STK32A: variants seen among roughly 807,000 people sequenced by gnomAD.
STK32A encodes serine/threonine-protein kinase 32A.
Under a neutral mutation model 53.2 loss-of-function variants are expected in STK32A, and 41 were observed. The ratio of observed to expected loss-of-function variants is 0.77; its 90% CI spans 0.60 to 1.00. STK32A has a LOEUF of 1.00. Among genes scored for constraint, STK32A ranks in the 50% least tolerant of loss-of-function variants. The pLI, the probability that STK32A is intolerant of heterozygous loss-of-function variation, is 0.00. For missense variants in STK32A, 458 were observed against 485.8 expected (o/e 0.94, Z 0.54); for synonymous variants, 166 against 162.8 (o/e 1.02, Z -0.15).
intron 5 of STK32A, among the ~76,000 whole-genome samples, chr5:147,339,300 T>C (rs950822876): frequency 8.5e-5 from 13 of 152,162 alleles, no homozygotes; most frequent in Non-Finnish European, 1.8e-4. Flanking sequence ...TTACGCATGG[T>C]GTTGGGCCTG....
chr5:147,273,644 T>C (rs1755138727), intron 2 of STK32A, among the ~76,000 whole-genome samples: 1 of 152,182 alleles, frequency 6.6e-6, no homozygotes, highest in Admixed American at 6.5e-5. Context: ...TCCCGAATAA[T>C]AGTTCCTAGA....
chr5:147,360,450 C>CAAAA (rs56690647), intron 7 of STK32A, among the ~76,000 whole-genome samples: 11 of 81,110 alleles, frequency 1.4e-4, no homozygotes, highest in African/African-American at 2.2e-4. Flanking sequence ...GATTCTGTCT[C>CAAAA]AAAAAAAAAA....
In STK32A at chr5:147,375,182, G is replaced by T; in HGVS notation, c.996G>T (p.Lys332Asn). The T allele has an allele frequency of 3.1e-6, 5 of 1,610,656 alleles. No homozygotes were observed. Among genetic ancestry groups the T allele is most frequent in the Non-Finnish European group, 4.2e-6 (5 of 1,178,582 alleles). ...ATAAGAAAAAAAAGCGTCTGGCAAA[G>T]AAGGAGAAGGATATGAGGAAATGCG... ...PLHKKKKRLA[K>N]KEKDMRKCDS... The change falls in exon 11 of 13, where the codon AAG becomes AAT. Residue 332 changes from lysine (K) to asparagine (N), a missense_variant. Transcript: ENST00000397936.
chr5:147,361,628 ATTTCCTCTTTGGTTATT>A lies in STK32A; in HGVS notation c.660+20_660+36del. Reference sequence around the variant, plus strand: ...CTGAGAGGCCGGGTACTGTAGTAGCATTTCCTCTTTGGTTATTTTTCCAGCAAGTTCTATTTTAGAAT... The same window carrying A: ...CTGAGAGGCCGGGTACTGTAGTAGCATTTCCAGCAAGTTCTATTTTAGAAT... On this transcript the variant is annotated intron_variant, in intron 8 of 12. Coordinates refer to ENST00000397936, the MANE Select transcript of STK32A (RefSeq NM_001112724.2). The A allele has an allele frequency of 6.4e-7, 1 of 1,561,486 alleles. No homozygotes were observed. The highest frequency in any genetic ancestry group is 8.8e-7 in the Non-Finnish European group (1 of 1,134,264).
intron 5 of STK32A, among the ~76,000 whole-genome samples, chr5:147,333,923 A>C (rs1754993348): frequency 6.6e-6 from 1 of 152,196 alleles, no homozygotes; most frequent in Non-Finnish European, 1.5e-5. Context: ...GACTTTAGGC[A>C]AATTAATAAA....
At chr5:147,373,842 T>C (rs188314974) in intron 10 of STK32A, among the ~76,000 whole-genome samples, 2 of 152,184 alleles carry the variant, frequency 1.3e-5, no homozygotes, top group Non-Finnish European at 2.9e-5. Flanking sequence ...TGTGGTCTAC[T>C]GCATTATGCT....
intron 4 of STK32A, among the ~76,000 whole-genome samples, chr5:147,309,799 G>T (rs1029687645): frequency 6.6e-6 from 1 of 152,106 alleles, no homozygotes; most frequent in African/African-American, 2.4e-5. Context: ...TGCTGATGAT[G>T]ACACGTTCCA....
At position 147,370,704 on chromosome 5, in the gene STK32A, G is replaced by T; in HGVS notation, c.711G>T (p.Thr237=). 1 of 1,612,504 alleles carries T rather than the reference G, an allele frequency of 6.2e-7. No homozygotes were observed. Among genetic ancestry groups the T allele is most frequent in the Non-Finnish European group, 8.5e-7 (1 of 1,178,874 alleles). ...CTTCCAGCAAGGAAATTGTACACAC[G>T]TTTGAGACGACTGTTGTAACTTACC... ...SSTSSKEIVH[T]FETTVVTYPS... Residue 237 remains threonine, a synonymous_variant, in exon 9 of 13, where the codon ACG becomes ACT. Coordinates refer to ENST00000397936, the MANE Select transcript of STK32A (RefSeq NM_001112724.2).
In STK32A at chr5:147,281,533, A is replaced by G. The variant is rs2151956102; in HGVS notation, c.260+2135A>G. On this transcript the variant is annotated intron_variant, in intron 4 of 12. Coordinates refer to ENST00000397936, the MANE Select transcript of STK32A (RefSeq NM_001112724.2). ...TCAGAGCTCGAAGACAAAGTCTTCA[A>G]ATTAACCCAATCAAACAAAGACAAA... Among the ~76,000 whole-genome samples the G allele has an allele frequency of 1.3e-5, 2 of 152,234 alleles. 1 individual carries two copies. Among genetic ancestry groups the G allele is most frequent in the South Asian group, 4.1e-4 (2 of 4,822 alleles).
the STK32A span, chr5:147,394,131 T>G: frequency 6.2e-7 from 1 of 1,613,060 alleles, no homozygotes; most frequent in Non-Finnish European, 8.5e-7. Context: ...TGCCTACAGT[T>G]GGAAATAAAT....
intron 2 of STK32A, among the ~76,000 whole-genome samples, chr5:147,241,194 A>G (rs1321540603): frequency 6.6e-6 from 1 of 152,192 alleles, no homozygotes. Flanking sequence ...AAAACAACAT[A>G]TGGGCCAGGC....
intron 6 of STK32A, among the ~76,000 whole-genome samples, chr5:147,344,392 G>A (rs899737226): frequency 6.6e-6 from 1 of 152,018 alleles, no homozygotes; most frequent in Non-Finnish European, 1.5e-5. Context: ...TACCTTTACT[G>A]CTTCTGACAT....
intron 5 of STK32A, among the ~76,000 whole-genome samples, chr5:147,332,205 T>A (rs1040527349): frequency 6.6e-6 from 1 of 152,216 alleles, no homozygotes; most frequent in Non-Finnish European, 1.5e-5. Context: ...GTATTGTTTG[T>A]AAAATTAAAC....
At chr5:147,251,941 A>T (rs1754018006) in intron 2 of STK32A, among the ~76,000 whole-genome samples, 3 of 152,174 alleles carry the variant, frequency 2.0e-5, no homozygotes, top group South Asian at 2.1e-4. Flanking sequence ...AGTGGATCAC[A>T]CCTCTAATCC....
At chr5:147,322,969 C>T (rs1221762803) in intron 4 of STK32A, among the ~76,000 whole-genome samples, 2 of 152,186 alleles carry the variant, frequency 1.3e-5, no homozygotes, top group African/African-American at 2.4e-5. Context: ...CCCCTCATAC[C>T]TGTTGTTCCA....
chr5:147,296,986 A>G (rs1248231732), intron 4 of STK32A, among the ~76,000 whole-genome samples: 5 of 152,226 alleles, frequency 3.3e-5, no homozygotes, highest in Non-Finnish European at 7.3e-5. Context: ...GGAAAGAAGA[A>G]AGCCTATTTT....
chr5:147,399,520 T>A, the STK32A span, among the ~76,000 whole-genome samples: 1 of 152,256 alleles, frequency 6.6e-6, no homozygotes, highest in Non-Finnish European at 1.5e-5. Flanking sequence ...TTACATTTAC[T>A]TACTCATTTT....
At chr5:147,391,237 G>A (rs1201863201), downstream of STK32A, 1 of 152,634 alleles carries the variant, frequency 6.6e-6, no homozygotes, top group Non-Finnish European at 1.5e-5. Context: ...GACACTCTCA[G>A]TATAGACAGT....
At chr5:147,296,371 T>C (rs894730814) in intron 4 of STK32A, among the ~76,000 whole-genome samples, 2 of 151,938 alleles carry the variant, frequency 1.3e-5, no homozygotes, top group Non-Finnish European at 2.9e-5. Flanking sequence ...TGGAGTTTTA[T>C]ATGTTGGCAG....
Sources: gnomAD v4.1 joint callset for allele counts (sites outside exome capture counted in the v4.1 genomes callset) on GRCh38, gnomAD v4.1.1 for gene constraint, MANE v1.5 for transcripts, NCBI Gene and HGNC (gene_info 2026-07-23, HGNC 2026-07-21) for gene names.